The following ACTR3B variants were observed in gnomAD, a reference collection of about 807,000 sequenced individuals.
ACTR3B encodes actin related protein 3B, also known as actin-related protein 3B.
ACTR3B carries 8 observed loss-of-function variants against 59.0 expected under a neutral mutation model. The observed-to-expected ratio is 0.14, with a 90% CI of 0.08 to 0.24. The LOEUF (loss-of-function observed/expected upper bound fraction) is 0.24, where lower values mean the gene tolerates loss of function less well. ACTR3B is among the 10% of genes least tolerant of loss of function. The pLI is 1.00. For synonymous variants in ACTR3B, 148 were observed against 197.9 expected (o/e 0.75, Z 2.12); for missense variants, 245 against 552.3 (o/e 0.44, Z 5.58).
At chr7:152,849,324 C>A (rs551419544) in intron 9 of ACTR3B, among the ~76,000 whole-genome samples, 13 of 152,124 alleles carry the variant, frequency 8.5e-5, no homozygotes, top group Admixed American at 2.0e-4. Flanking sequence ...CACCAAGGAA[C>A]GGGGTGGGGT....
rs757608709 is a variant in ACTR3B at position 152,823,395 on chromosome 7, T to C, written c.738T>C (p.Asp246=). 2 of 1,614,270 alleles carry C rather than the reference T, an allele frequency of 1.2e-6. No individual in the cohort carries two copies. The highest frequency in any genetic ancestry group is 2.2e-5 in the South Asian group (2 of 91,088). Reference sequence around the variant, plus strand: ...TAGTCAAGGAATTTGCCAAGTATGATGTGGATCCCCGGAAGTGGATCAAAC... The same window carrying C: ...TAGTCAAGGAATTTGCCAAGTATGACGTGGATCCCCGGAAGTGGATCAAAC... The part of the protein sequence containing the change: ...PDIVKEFAKY[D]VDPRKWIKQY... The change falls in exon 8 of 12, where the codon GAT becomes GAC. Residue 246 remains aspartate, a synonymous_variant. Coordinates refer to ENST00000256001, the MANE Select transcript of ACTR3B (RefSeq NM_020445.6).
chr7:152,797,298 C>T (rs528899700), intron 2 of ACTR3B, among the ~76,000 whole-genome samples: 16 of 152,142 alleles, frequency 1.1e-4, no homozygotes, highest in Admixed American at 9.2e-4. Flanking sequence ...CCAGGCTGTT[C>T]TGAAACTCCT....
chr7:152,818,553 C>T (rs189123217), intron 6 of ACTR3B, among the ~76,000 whole-genome samples: 44 of 152,220 alleles, frequency 2.9e-4, no homozygotes, highest in African/African-American at 1.0e-3. Context: ...CAGGTTCAAG[C>T]GATTCTCCTG....
intron 2 of ACTR3B, among the ~76,000 whole-genome samples, chr7:152,785,159 G>A (rs1238737842): frequency 2.6e-5 from 4 of 151,314 alleles, no homozygotes; most frequent in Non-Finnish European, 4.4e-5. Context: ...TAAAGCTGTC[G>A]GTAGCATTCA....
intron 2 of ACTR3B, among the ~76,000 whole-genome samples, chr7:152,789,067 C>CA (rs2098185607): frequency 1.3e-4 from 5 of 37,696 alleles, no homozygotes; most frequent in African/African-American, 2.3e-4. Context: ...CAACAACAAA[C>CA]AACAACAACA....
intron 2 of ACTR3B, among the ~76,000 whole-genome samples, chr7:152,797,866 C>CT (rs201750783): frequency 3.3e-4 from 50 of 149,748 alleles, no homozygotes; most frequent in African/African-American, 8.3e-4. Flanking sequence ...GCAGAATTTC[C>CT]TTTTTTTTTT....
chr7:152,768,688 C>T (rs1183870439), intron 1 of ACTR3B, among the ~76,000 whole-genome samples: 2 of 152,074 alleles, frequency 1.3e-5, no homozygotes, highest in Non-Finnish European at 2.9e-5. Flanking sequence ...GTTGGCCAGG[C>T]TGGTCTCGAA....
At chr7:152,779,490 G>A (rs1473248028) in intron 1 of ACTR3B, among the ~76,000 whole-genome samples, 1 of 152,204 alleles carries the variant, frequency 6.6e-6, no homozygotes, top group South Asian at 2.1e-4. Context: ...CTCAGTCTGA[G>A]TATGGCTCAG....
At chr7:152,814,929 T>G (rs1475778441) in intron 5 of ACTR3B, among the ~76,000 whole-genome samples, 5 of 152,104 alleles carry the variant, frequency 3.3e-5, no homozygotes, top group Non-Finnish European at 5.9e-5. Flanking sequence ...TAGATGTGCT[T>G]CTTCTTTTGG....
intron 1 of ACTR3B, among the ~76,000 whole-genome samples, chr7:152,760,688 C>T (rs1465183998): frequency 1.3e-5 from 2 of 152,128 alleles, no homozygotes; most frequent in African/African-American, 4.8e-5. Context: ...TTGTTTTTAA[C>T]TTTTTGAGTG....
chr7:152,823,546 T>A, intron 8 of ACTR3B, 31 bp downstream of exon 8: 1 of 1,610,230 alleles, frequency 6.2e-7, no homozygotes, highest in South Asian at 1.1e-5. Context: ...TGTGCTCAAG[T>A]GTGGGATGGA....
intron 9 of ACTR3B, among the ~76,000 whole-genome samples, chr7:152,829,090 TTG>T (rs1796821619): frequency 6.6e-6 from 1 of 151,238 alleles, no homozygotes; most frequent in Non-Finnish European, 1.5e-5. Context: ...AGCAGGAAAA[TTG>T]TGCATATTTA....
intron 4 of ACTR3B, among the ~76,000 whole-genome samples, chr7:152,804,010 A>G (rs1368016851): frequency 6.6e-6 from 1 of 152,220 alleles, no homozygotes; most frequent in African/African-American, 2.4e-5. Flanking sequence ...GAAGACTTAA[A>G]GAGAGTCTTG....
intron 2 of ACTR3B, among the ~76,000 whole-genome samples, chr7:152,796,514 G>C (rs1360640528): frequency 6.9e-6 from 1 of 144,042 alleles, no homozygotes; most frequent in African/African-American, 2.5e-5. Flanking sequence ...TCACCACCCT[G>C]ATAGGTAGTG....
intron 9 of ACTR3B, among the ~76,000 whole-genome samples, chr7:152,846,708 G>A (rs755644425): frequency 1.4e-5 from 2 of 146,242 alleles, no homozygotes; most frequent in Non-Finnish European, 1.5e-5. Context: ...CCCAGCACCC[G>A]GGCTGTAGTC....
intron 4 of ACTR3B, chr7:152,810,955 T>C (rs1447626971): frequency 6.6e-6 from 1 of 152,052 alleles, no homozygotes; most frequent in Non-Finnish European, 1.5e-5. Flanking sequence ...CAGAAGGATA[T>C]TTAAAAATGT....
intron 1 of ACTR3B, among the ~76,000 whole-genome samples, chr7:152,764,074 C>T (rs1474442842): frequency 1.3e-5 from 2 of 151,734 alleles, no homozygotes; most frequent in South Asian, 2.1e-4. Context: ...GGTGTGACTT[C>T]AGCTCACTAC....
intron 8 of ACTR3B, among the ~76,000 whole-genome samples, chr7:152,823,842 A>C (rs2689592): frequency 6.6e-6 from 1 of 151,536 alleles, no homozygotes; most frequent in Non-Finnish European, 1.5e-5. Context: ...CTCAAGGCCT[A>C]TATGGAGGTT....
intron 2 of ACTR3B, among the ~76,000 whole-genome samples, chr7:152,789,860 C>G (rs1468019617): frequency 1.3e-5 from 2 of 152,032 alleles, no homozygotes; most frequent in African/African-American, 4.8e-5. Flanking sequence ...CAGATTAAAA[C>G]AGTGCTCTTC....
Sources: gnomAD v4.1 joint callset for allele counts (sites outside exome capture counted in the v4.1 genomes callset) on GRCh38, gnomAD v4.1.1 for gene constraint, MANE v1.5 for transcripts, NCBI Gene and HGNC (gene_info 2026-07-23, HGNC 2026-07-21) for gene names.